The following SHANK1 variants were observed in gnomAD, a reference collection of about 807,000 sequenced individuals.
The protein encoded by SHANK1 is SH3 and multiple ankyrin repeat domains 1, also known as SH3 and multiple ankyrin repeat domains protein 1.
SHANK1 carries 35 observed loss-of-function variants against 165.6 expected under a neutral mutation model. The observed-to-expected ratio is 0.21, with a 90% CI of 0.16 to 0.28. SHANK1 has a LOEUF of 0.28. Among genes scored for constraint, SHANK1 ranks in the 10% least tolerant of loss-of-function variants. SHANK1 has a pLI of 1.00. For synonymous variants in SHANK1, 1,428 were observed against 1,384.8 expected, an observed-to-expected ratio of 1.03 and a Z score of -0.69; for missense variants, 2,681 against 3,036.4, an observed-to-expected ratio of 0.88 and a Z score of 2.75.
Position 50,669,117 on chromosome 19 carries a change from G to C in SHANK1, c.2843C>G (p.Ser948Cys). ...AGGGTTGAAGGGCCCTCCCCGAGGG[G>C]AGGGGGTGAGGCGCCCTGAGGAGGA... is the stretch of plus-strand genomic sequence containing the variant. ...VPSSSGRLTP[S>C]PRGGPFNPGS... is the part of the protein sequence containing the mutation. The change falls in exon 23 of 24, where the codon TCC becomes TGC. Residue 948 changes from serine (S) to cysteine (C), a missense_variant. By Grantham distance (112) the Ser-to-Cys change is moderately radical (BLOSUM62 -1). Coordinates refer to ENST00000293441, the MANE Select transcript of SHANK1 (RefSeq NM_016148.5). 2 of 1,510,580 alleles carry C rather than the reference G, an allele frequency of 1.3e-6. No homozygotes were observed. The highest frequency in any genetic ancestry group is 1.8e-6 in the Non-Finnish European group (2 of 1,127,344). The allele number at this position is 1,510,580 out of a possible 1,614,324, so 93.6% of individuals were successfully genotyped here. A position where few individuals can be genotyped will look rare whatever the true frequency, so the allele number is the denominator to read the frequency against.
Position 50,668,716 on chromosome 19 carries a change from G to A in SHANK1, c.3244C>T (p.Leu1082=). ...CGCGGGGGCAGCTGGAAATAGCGTA[G>A]AGCCGGGCCCTGGGAGGAGCCGCCG... The part of the protein sequence containing the change: ...GGGGSSQGPA[L]RYFQLPPRAA... Residue 1082 remains leucine (L), a synonymous_variant, in exon 23 of 24, where the codon CTA becomes TTA. Transcript: ENST00000293441. The A allele has an allele frequency of 7.7e-7, 1 of 1,291,278 alleles. No homozygotes were observed. The highest frequency in any genetic ancestry group is 3.2e-5 in the East Asian group (1 of 31,448). 80.0% of individuals were successfully genotyped at this position (1,291,278 alleles called of 1,614,324 possible).
intron 21 of SHANK1, among the ~76,000 whole-genome samples, chr19:50,674,315 C>T (rs1225468426): frequency 6.6e-6 from 1 of 152,096 alleles, no homozygotes; most frequent in Non-Finnish European, 1.5e-5. Flanking sequence ...CCAGCTTCTG[C>T]CAGGTCACCC....
rs910437489 is a variant in SHANK1, at chr19:50,662,818, C to A, written c.5769-136G>T. 4.8e-6 allele frequency: 4 copies of A among 827,810 alleles called. No homozygotes were observed. Among genetic ancestry groups the A allele is most frequent in the South Asian group, 3.5e-5 (2 of 56,568 alleles). The allele number at this position is 827,810 out of a possible 1,614,324, so 51.3% of individuals were successfully genotyped here. On this transcript the variant is annotated intron_variant, in intron 23 of 23. Transcript: ENST00000293441. This position sits in a 1 kb window ranked among gnomAD's most constrained non-coding sequence, Gnocchi z 7.7. ...GGTAGGGGGAGAGACGGAGGAGAGA[C>A]GGGAAGAAATGGAGGGAGCAAGGGG...
intron 21 of SHANK1, among the ~76,000 whole-genome samples, chr19:50,673,241 G>T (rs960041058): frequency 6.6e-6 from 1 of 151,962 alleles, no homozygotes; most frequent in African/African-American, 2.4e-5. Flanking sequence ...CTCCCTGAAG[G>T]TTCCCCCGTA....
At position 50,686,082 on chromosome 19, in the gene SHANK1, T is replaced by C. The variant is rs1421614158; in HGVS notation, c.2577+155A>G. Among the ~76,000 whole-genome samples the C allele has an allele frequency of 6.6e-6, 1 of 151,498 alleles. No individual in the cohort carries two copies. The highest frequency in any genetic ancestry group is 6.6e-5 in the Admixed American group (1 of 15,210). ...TAAGGAGGAAAGGAGGTCTCCAAAG[T>C]TGGGAGAAAGGAGGAAACCCTAGGA... On this transcript the variant is annotated intron_variant, in intron 21 of 23. Coordinates refer to ENST00000293441, the MANE Select transcript of SHANK1 (RefSeq NM_016148.5). This position sits in a 1 kb window ranked among gnomAD's most constrained non-coding sequence, Gnocchi z 5.7.
At position 50,670,671 on chromosome 19, in the gene SHANK1, T is replaced by C. The variant is rs797000890; in HGVS notation, c.2674+1347A>G. On this transcript the variant is annotated intron_variant, in intron 22 of 23. Transcript: ENST00000293441. This position sits in a 1 kb window ranked among gnomAD's most constrained non-coding sequence, Gnocchi z 4.1. ...GCCCCTGCTACACAGGCCTCCTCCC[T>C]GTTCTGTAAACGCACCAGACTCAGC... is the stretch of plus-strand genomic sequence containing the variant. 1.2e-3 allele frequency among the ~76,000 whole-genome samples: 177 copies of C among 152,268 alleles called. 1 individual carries two copies. Among genetic ancestry groups the C allele is most frequent in the African/African-American group, 4.2e-3 (174 of 41,546 alleles).
rs1170013340 is a variant in SHANK1 at position 50,686,318 on chromosome 19, G to A, written c.2496C>T (p.Thr832=). The A allele has an allele frequency of 1.9e-6, 3 of 1,607,142 alleles. No homozygotes were observed. The African/African-American group carries it at 4.0e-5, about 22-fold the overall frequency. The change falls in exon 21 of 24, where the codon ACC becomes ACT. Residue 832 remains threonine (T), a synonymous_variant. Coordinates refer to ENST00000293441, the MANE Select transcript of SHANK1 (RefSeq NM_016148.5). This position sits in a 1 kb window ranked among gnomAD's most constrained non-coding sequence, Gnocchi z 5.7. ...GACCAGGGCTTTCGCTTGCACTGAT[G>A]GTCTGTTGAGCTGCGGCCAGGATTT... ...LDEILAAAQQ[T]ISASESPGPG...
In SHANK1 at chr19:50,662,274, C is replaced by A. The variant is rs140720832; in HGVS notation, c.6177G>T (p.Pro2059=). 24 of 1,611,756 alleles carry A rather than the reference C, an allele frequency of 1.5e-5. No individual in the cohort carries two copies. The African/African-American group carries it at 2.8e-4, about 19-fold the overall frequency. ...PFAPVFVPPH[P]GISGGLGGAL... is the part of the protein sequence containing the mutation. ...CTCCCCCGAGCCCCCCGGATATCCC[C>A]GGGTGTGGCGGCACAAAGACTGGGG... The change falls in exon 24 of 24, where the codon CCG becomes CCT. Residue 2059 remains proline (P), a synonymous_variant. Coordinates refer to ENST00000293441, the MANE Select transcript of SHANK1 (RefSeq NM_016148.5). The surrounding 1 kb of genome is among the most constrained non-coding windows in gnomAD (Gnocchi z 7.7).
rs554955738 is a variant in SHANK1 at position 50,718,991 on chromosome 19, G to T, written c.-44+415C>A. 1.5e-3 allele frequency among the ~76,000 whole-genome samples: 230 copies of T among 151,886 alleles called. 1 individual carries two copies. Among genetic ancestry groups the T allele is most frequent in the African/African-American group, 5.5e-3 (227 of 41,420 alleles). Reference sequence around the variant, plus strand: ...GGGTCGAAAGGGGCGGAGGAGGCCCGGGCCTAGACCCTCGCTGGAGGGGAG... The same window carrying T: ...GGGTCGAAAGGGGCGGAGGAGGCCCTGGCCTAGACCCTCGCTGGAGGGGAG... On this transcript the variant is annotated intron_variant, in intron 1 of 23. Coordinates refer to ENST00000293441, the MANE Select transcript of SHANK1 (RefSeq NM_016148.5). This position sits in a 1 kb window ranked among gnomAD's most constrained non-coding sequence, Gnocchi z 5.1.
chr19:50,668,662 C>A lies in SHANK1; in HGVS notation c.3298G>T (p.Ala1100Ser). The change falls in exon 23 of 24, where the codon GCC (alanine) becomes TCC (serine). Residue 1100 changes from alanine (A) to serine (S), a missense_variant. Physicochemically the swap from Ala to Ser is moderately conservative, Grantham distance 99 (BLOSUM62 1). Coordinates refer to ENST00000293441, the MANE Select transcript of SHANK1 (RefSeq NM_016148.5). ...CCCTTGCGGCCGCGGCCCGAGCGGG[C>A]GGGCACGTACATGGCTGCGCTGGCC... Reference protein sequence around the residue: ...RAASAAMYVPARSGRGRKGPL... With the variant: ...RAASAAMYVPSRSGRGRKGPL... 2.9e-6 allele frequency: 4 copies of A among 1,358,478 alleles called. No individual in the cohort carries two copies. Among genetic ancestry groups the A allele is most frequent in the East Asian group, 3.2e-5 (1 of 31,374 alleles). 84.2% of individuals were successfully genotyped at this position (1,358,478 alleles called of 1,614,324 possible). A position where few individuals can be genotyped will look rare whatever the true frequency, so the allele number is the denominator to read the frequency against.
At chr19:50,710,038 C>T (rs1272323162) in intron 8 of SHANK1, among the ~76,000 whole-genome samples, 5 of 152,192 alleles carry the variant, frequency 3.3e-5, no homozygotes, top group Non-Finnish European at 4.4e-5. Flanking sequence ...ATTCCCATTT[C>T]AGGAAGAAGG....
In SHANK1 at chr19:50,697,480, A is replaced by G. The variant is rs1246158570; in HGVS notation, c.1937+109T>C. 3 of 954,988 alleles carry G rather than the reference A, an allele frequency of 3.1e-6. No homozygotes were observed. In the East Asian group the frequency reaches 7.2e-5, roughly 23 times the overall value. The allele number at this position is 954,988 out of a possible 1,614,324, so 59.2% of individuals were successfully genotyped here. A position where few individuals can be genotyped will look rare whatever the true frequency, so the allele number is the denominator to read the frequency against. On this transcript the variant is annotated intron_variant, in intron 14 of 23. Transcript: ENST00000293441. The surrounding 1 kb of genome is among the most constrained non-coding windows in gnomAD (Gnocchi z 4.7). Reference sequence around the variant, plus strand: ...ATCCCACCCCTGGATCAAACTTGAGAAGGAACAGATTAGAAAGGGGGCTTA... The same window carrying G: ...ATCCCACCCCTGGATCAAACTTGAGGAGGAACAGATTAGAAAGGGGGCTTA...
Position 50,716,322 on chromosome 19 carries a change from G to A in SHANK1, c.412C>T (p.Leu138=), listed in dbSNP as rs2089069352. The A allele has an allele frequency of 1.9e-6, 3 of 1,614,060 alleles. No individual in the cohort carries two copies. Among genetic ancestry groups the A allele is most frequent in the Admixed American group, 1.7e-5 (1 of 60,002 alleles). The change falls in exon 3 of 24, where the codon CTG becomes TTG. Residue 138 remains leucine, a synonymous_variant. Coordinates refer to ENST00000293441, the MANE Select transcript of SHANK1 (RefSeq NM_016148.5). The surrounding 1 kb of genome is among the most constrained non-coding windows in gnomAD (Gnocchi z 8.4). ...DANFLEEERL[L]REYPQSFEKG... is the part of the protein sequence containing the mutation. ...TCAAAGGACTGGGGGTACTCCCGCAGCAGCCTCTCCTCCTCCAGGAAGTTG... is the reference window on the plus strand; with the variant it reads ...TCAAAGGACTGGGGGTACTCCCGCAACAGCCTCTCCTCCTCCAGGAAGTTG...
At chr19:50,692,753 C>T (rs1233602114) in intron 15 of SHANK1, among the ~76,000 whole-genome samples, 4 of 151,654 alleles carry the variant, frequency 2.6e-5, no homozygotes, top group African/African-American at 7.3e-5. Context: ...CTCCTCTCTG[C>T]ACCTCACTCC....
chr19:50,666,765 A>G lies in SHANK1; in HGVS notation c.5195T>C (p.Leu1732Pro). The change falls in exon 23 of 24, where the codon CTG (leucine) becomes CCG (proline). Residue 1732 changes from leucine to proline, a missense_variant. By Grantham distance (98) the Leu-to-Pro change is moderately conservative (BLOSUM62 -3). Transcript: ENST00000293441. Reference sequence around the variant, plus strand: ...GCTGCCCCCAAAGGCCTGGCCGTCCAGGTAGGCCACATAGGTGTCCAGAAG... The same window carrying G: ...GCTGCCCCCAAAGGCCTGGCCGTCCGGGTAGGCCACATAGGTGTCCAGAAG... Reference protein sequence around the residue: ...PELLDTYVAYLDGQAFGGSST... With the variant: ...PELLDTYVAYPDGQAFGGSST... 1.3e-6 allele frequency: 2 copies of G among 1,555,966 alleles called. No homozygotes were observed. The highest frequency in any genetic ancestry group is 1.7e-6 in the Non-Finnish European group (2 of 1,151,000).
intron 21 of SHANK1, among the ~76,000 whole-genome samples, chr19:50,673,144 G>T (rs945548972): frequency 1.3e-5 from 2 of 152,058 alleles, no homozygotes; most frequent in African/African-American, 4.8e-5. Flanking sequence ...CTAAAGCCGG[G>T]GTGCCCAGCC....
At chr19:50,683,215 T>C (rs1986229659) in intron 21 of SHANK1, among the ~76,000 whole-genome samples, 2 of 152,150 alleles carry the variant, frequency 1.3e-5, no homozygotes, top group Non-Finnish European at 2.9e-5. Context: ...CGTTGGGCAG[T>C]ATTTGCTGCT....
At chr19:50,685,779 C>T (rs1986312959) in intron 21 of SHANK1, among the ~76,000 whole-genome samples, 1 of 151,948 alleles carries the variant, frequency 6.6e-6, no homozygotes, top group Non-Finnish European at 1.5e-5. Context: ...GCAGTGTCCC[C>T]CAAATTATCA....
rs368168191 is a variant in SHANK1, at chr19:50,666,986, G to A, written c.4974C>T (p.Pro1658=). 1.5e-5 allele frequency: 24 copies of A among 1,575,974 alleles called. No individual in the cohort carries two copies. The highest frequency in any genetic ancestry group is 9.3e-5 in the South Asian group (8 of 85,606). The change falls in exon 23 of 24, where the codon CCC becomes CCT. Residue 1658 remains proline (P), a synonymous_variant. Transcript: ENST00000293441. ...PGPPAPAAPA[P]AAPQPGPDPP... ...GGTCCGGGCCAGGCTGTGGGGCAGCGGGAGCCGGTGCTGCTGGGGCAGGCG... is the reference window on the plus strand; with the variant it reads ...GGTCCGGGCCAGGCTGTGGGGCAGCAGGAGCCGGTGCTGCTGGGGCAGGCG...
Sources: gnomAD v4.1 joint callset for allele counts (sites outside exome capture counted in the v4.1 genomes callset) on GRCh38, gnomAD v4.1.1 for gene constraint, Gnocchi (gnomAD v3.1) non-coding constraint, MANE v1.5 for transcripts, NCBI Gene and HGNC (gene_info 2026-07-23, HGNC 2026-07-21) for gene names.